The following SYT10 variants were observed in gnomAD, a reference collection of about 807,000 sequenced individuals.
SYT10 encodes the protein synaptotagmin-10.
A neutral mutation model predicts 51.1 loss-of-function variants in SYT10; 31 were observed. The ratio of observed to expected loss-of-function variants is 0.61; its 90% CI spans 0.46 to 0.82. The LOEUF (loss-of-function observed/expected upper bound fraction) is 0.82, where lower values mean the gene tolerates loss of function less well. Among genes scored for constraint, SYT10 ranks in the 40% least tolerant of loss-of-function variants. The pLI, the probability that SYT10 is intolerant of heterozygous loss-of-function variation, is 0.00. For missense variants in SYT10, 603 were observed against 634.0 expected (o/e 0.95, Z 0.53); for synonymous variants, 233 against 225.9 (o/e 1.03, Z -0.28).
At chr12:33,438,550 T>C (rs1866656599) in intron 1 of SYT10, among the ~76,000 whole-genome samples, 2 of 152,112 alleles carry the variant, frequency 1.3e-5, no homozygotes, top group African/African-American at 4.8e-5. Context: ...ACTTGAGACT[T>C]TTTTCCATCT....
intron 3 of SYT10, among the ~76,000 whole-genome samples, chr12:33,400,245 T>C (rs1178103450): frequency 6.6e-6 from 1 of 152,222 alleles, no homozygotes; most frequent in African/African-American, 2.4e-5. Flanking sequence ...TCTGATCCTA[T>C]GATTGATCCA....
At chr12:33,414,964 C>T (rs1866440332) in intron 2 of SYT10, among the ~76,000 whole-genome samples, 1 of 152,156 alleles carries the variant, frequency 6.6e-6, no homozygotes, top group Non-Finnish European at 1.5e-5. Flanking sequence ...CAGAAGTTGA[C>T]TATGTAAAGA....
intron 3 of SYT10, among the ~76,000 whole-genome samples, chr12:33,392,987 A>T (rs1309321035): frequency 5.2e-4 from 38 of 73,736 alleles, no homozygotes; most frequent in Non-Finnish European, 1.3e-3. Flanking sequence ...TTTGCCATTA[A>T]AAAAAAAAAA....
chr12:33,406,980 A>C lies in SYT10; in HGVS notation c.886T>G (p.Phe296Val). 1 of 1,614,132 alleles carries C rather than the reference A, an allele frequency of 6.2e-7. No individual in the cohort carries two copies. Among genetic ancestry groups the C allele is most frequent in the Non-Finnish European group, 8.5e-7 (1 of 1,180,030 alleles). ...RVHRKTLNPLFDETFQFPVAY... is the reference protein window; with the variant it reads ...RVHRKTLNPLVDETFQFPVAY... ...ACAGGAAATTGAAAAGTTTCATCAA[A>C]TAGAGGATTTAAAGTCTTTCTGTGC... Residue 296 changes from phenylalanine to valine, a missense_variant, in exon 3 of 7, where the codon TTT becomes GTT. Phe to Val is a conservative substitution (Grantham distance 50, BLOSUM62 -1). Coordinates refer to ENST00000228567, the MANE Select transcript of SYT10 (RefSeq NM_198992.4).
intron 2 of SYT10, among the ~76,000 whole-genome samples, chr12:33,411,123 G>A (rs1866401103): frequency 6.6e-6 from 1 of 152,162 alleles, no homozygotes; most frequent in South Asian, 2.1e-4. Context: ...TCTGGGTCTA[G>A]TGGCCACACC....
chr12:33,386,460 A>C (rs978558546), intron 3 of SYT10, among the ~76,000 whole-genome samples: 128 of 151,820 alleles, frequency 8.4e-4, no homozygotes, highest in African/African-American at 2.9e-3. Context: ...AAACAAATGA[A>C]GTTTGTTCCT....
intron 1 of SYT10, among the ~76,000 whole-genome samples, chr12:33,428,780 C>A (rs1341179576): frequency 1.3e-5 from 2 of 152,088 alleles, no homozygotes; most frequent in East Asian, 3.9e-4. Context: ...GTGGCGGGTG[C>A]CTGTAGTCCC....
intron 2 of SYT10, among the ~76,000 whole-genome samples, chr12:33,412,498 T>C (rs1866415059): frequency 6.6e-6 from 1 of 152,148 alleles, no homozygotes; most frequent in Non-Finnish European, 1.5e-5. Context: ...GTCATTTGAC[T>C]GTTACTAACG....
chr12:33,439,676 C>A lies in SYT10; in HGVS notation c.-154G>T, dbSNP rs1266419459. On this transcript the variant is annotated 5_prime_UTR_variant, in exon 1 of 7. Coordinates refer to ENST00000228567, the MANE Select transcript of SYT10 (RefSeq NM_198992.4). ...CTGAGAGCCGGCAACTCTTAGGAGC[C>A]CCACGTTGGCCCCATGGCGGGAGCG... 7 of 881,524 alleles carry A rather than the reference C, an allele frequency of 7.9e-6. No individual in the cohort carries two copies. The highest frequency in any genetic ancestry group is 1.7e-5 in the African/African-American group (1 of 58,232). The allele number at this position is 881,524 out of a possible 1,614,324, so 54.6% of individuals were successfully genotyped here.
intron 1 of SYT10, among the ~76,000 whole-genome samples, chr12:33,437,614 A>G (rs1393332842): frequency 6.6e-6 from 1 of 152,202 alleles, no homozygotes; most frequent in African/African-American, 2.4e-5. Context: ...GAAAATCAGT[A>G]GTTTTATTTA....
rs1168003203 is a variant in SYT10, at chr12:33,439,708, G to GT, written c.-187dup. On this transcript the variant is annotated 5_prime_UTR_variant, in exon 1 of 7. Transcript: ENST00000228567. ...TGGCCCCATGGCGGGAGCGGAGGGC[G>GT]TAGGGGAAGGAGAGGCGCGCGAGGA... is the stretch of plus-strand genomic sequence containing the variant. 3.2e-5 allele frequency: 22 copies of GT among 679,564 alleles called. No homozygotes were observed. Among genetic ancestry groups the GT allele is most frequent in the Non-Finnish European group, 5.2e-5 (22 of 426,266 alleles). 42.1% of individuals were successfully genotyped at this position (679,564 alleles called of 1,614,324 possible).
At chr12:33,385,103 C>A (rs1273978316) in intron 4 of SYT10, 68 bp downstream of exon 4, 2 of 1,565,260 alleles carry the variant, frequency 1.3e-6, no homozygotes, top group Admixed American at 1.8e-5. Flanking sequence ...AGTCATGTAT[C>A]ATTTTTAGAT....
chr12:33,428,625 G>T (rs185006475), intron 1 of SYT10, among the ~76,000 whole-genome samples: 1 of 152,190 alleles, frequency 6.6e-6, no homozygotes, highest in Admixed American at 6.5e-5. Context: ...AACGACTGGC[G>T]GCCAGGCGCG....
intron 1 of SYT10, among the ~76,000 whole-genome samples, chr12:33,427,780 C>T (rs1381375006): frequency 6.6e-6 from 1 of 152,054 alleles, no homozygotes; most frequent in Non-Finnish European, 1.5e-5. Context: ...GAAAAATAAC[C>T]TATCAAAAGA....
intron 2 of SYT10, among the ~76,000 whole-genome samples, chr12:33,422,587 T>C (rs1591995875): frequency 1.3e-5 from 2 of 152,098 alleles, no homozygotes; most frequent in South Asian, 4.1e-4. Context: ...CTTCCATTAT[T>C]CCTTCACTTT....
chr12:33,406,148 G>A (rs1395179262), intron 3 of SYT10, among the ~76,000 whole-genome samples: 2 of 151,962 alleles, frequency 1.3e-5, no homozygotes, highest in Admixed American at 6.6e-5. Context: ...TGTTTTTACT[G>A]TTTTTTAAAT....
chr12:33,406,898 C>A lies in SYT10; in HGVS notation c.968G>T (p.Arg323Ile). 1 of 1,614,038 alleles carries A rather than the reference C, an allele frequency of 6.2e-7. No individual in the cohort carries two copies. Among genetic ancestry groups the A allele is most frequent in the Non-Finnish European group, 8.5e-7 (1 of 1,180,006 alleles). Residue 323 changes from arginine (R) to isoleucine (I), a missense_variant, in exon 3 of 7, where the codon AGA becomes ATA. Arg to Ile is a moderately conservative substitution (Grantham distance 97). Coordinates refer to ENST00000228567, the MANE Select transcript of SYT10 (RefSeq NM_198992.4). ...CCCAATCATGTCATGTCTAGAAAAT[C>A]TGTCAAAATCATACACACTGAAATG... ...KLHFSVYDFD[R>I]FSRHDMIGEV...
At chr12:33,419,744 T>C (rs1248119230) in intron 2 of SYT10, among the ~76,000 whole-genome samples, 3 of 152,196 alleles carry the variant, frequency 2.0e-5, no homozygotes, top group Non-Finnish European at 4.4e-5. Context: ...AGCATATATT[T>C]AAATGAATGT....
intron 3 of SYT10, among the ~76,000 whole-genome samples, chr12:33,386,270 A>G (rs954766978): frequency 2.6e-5 from 4 of 152,114 alleles, no homozygotes; most frequent in African/African-American, 7.2e-5. Flanking sequence ...CAGCCTTCCA[A>G]TCTGTCCACA....
Sources: gnomAD v4.1 joint callset for allele counts (sites outside exome capture counted in the v4.1 genomes callset) on GRCh38, gnomAD v4.1.1 for gene constraint, MANE v1.5 for transcripts, NCBI Gene and HGNC (gene_info 2026-07-23, HGNC 2026-07-21) for gene names.